Variants in SNX24 observed in about 807,000 individuals in gnomAD.
SNX24 encodes the protein sorting nexin-24.
A neutral mutation model predicts 28.7 loss-of-function variants in SNX24; 22 were observed. The ratio of observed to expected loss-of-function variants is 0.77; its 90% confidence interval spans 0.55 to 1.10. The LOEUF (loss-of-function observed/expected upper bound fraction) is 1.10, where lower values mean the gene tolerates loss of function less well. Ranked by LOEUF, SNX24 falls within the 50% of genes least tolerant of loss-of-function variation. The pLI, the probability that SNX24 is intolerant of heterozygous loss-of-function variation, is 0.00. For synonymous variants in SNX24, 69 were observed against 71.5 expected (o/e 0.96, Z 0.18); for missense variants, 221 against 201.1 (o/e 1.10, Z -0.60).
chr5:122,908,945 G>C (rs1757763133), intron 1 of SNX24, among the ~76,000 whole-genome samples: 1 of 152,204 alleles, frequency 6.6e-6, no homozygotes, highest in Non-Finnish European at 1.5e-5. Flanking sequence ...GTGAGCACTT[G>C]AGCGGGGAGT....
chr5:122,969,718 T>C lies in SNX24; in HGVS notation c.249+23559T>C, dbSNP rs78317938. ...ATATGATGTTGGAACTCTGATCATC[T>C]GTTTCTGTTATTATTTTAAAACATT... On this transcript the variant is annotated intron_variant, in intron 3 of 6. Coordinates refer to ENST00000261369, the MANE Select transcript of SNX24 (RefSeq NM_014035.4). 4.7e-4 allele frequency among the ~76,000 whole-genome samples: 71 copies of C among 152,334 alleles called. No individual in the cohort carries two copies. The East Asian group carries it at 0.013, about 29-fold the overall frequency.
chr5:122,902,096 C>T (rs1033550311), intron 1 of SNX24, among the ~76,000 whole-genome samples: 1 of 152,232 alleles, frequency 6.6e-6, no homozygotes, highest in Admixed American at 6.5e-5. Context: ...TCTCTGTGGC[C>T]TCTGGCCCTT....
intron 3 of SNX24, among the ~76,000 whole-genome samples, chr5:122,994,040 G>GTGTGTGTGTGTGTA (rs1343300146): frequency 6.6e-6 from 1 of 151,788 alleles, no homozygotes; most frequent in East Asian, 1.9e-4. Flanking sequence ...ATGGAAAGAA[G>GTGTGTGTGTGTGTA]TGTGTGTGTG....
chr5:123,003,383 G>C (rs1762313087), intron 6 of SNX24, among the ~76,000 whole-genome samples: 1 of 152,126 alleles, frequency 6.6e-6, no homozygotes, highest in South Asian at 2.1e-4. Flanking sequence ...AAATATACAT[G>C]TTAGTTGATG....
At chr5:122,872,454 A>G (rs1456814363) in intron 1 of SNX24, among the ~76,000 whole-genome samples, 2 of 152,084 alleles carry the variant, frequency 1.3e-5, no homozygotes, top group Admixed American at 6.5e-5. Flanking sequence ...CAAAGAACCA[A>G]TCCTGAATTT....
At chr5:122,910,714 T>C (rs1757845860) in intron 1 of SNX24, among the ~76,000 whole-genome samples, 3 of 147,512 alleles carry the variant, frequency 2.0e-5, no homozygotes, top group South Asian at 4.4e-4. Flanking sequence ...TGAGAACATG[T>C]GGTGTTTCGT....
intron 1 of SNX24, among the ~76,000 whole-genome samples, chr5:122,878,946 T>G (rs1170644618): frequency 2.0e-5 from 3 of 148,084 alleles, no homozygotes; most frequent in Non-Finnish European, 4.5e-5. Flanking sequence ...AGAGCAAGAC[T>G]CTGTCTCAAA....
At chr5:122,963,335 G>T (rs538150097) in intron 3 of SNX24, among the ~76,000 whole-genome samples, 23 of 152,298 alleles carry the variant, frequency 1.5e-4, no homozygotes, top group African/African-American at 5.5e-4. Flanking sequence ...GGGATGTGGG[G>T]TGATGTTGCA....
intron 1 of SNX24, among the ~76,000 whole-genome samples, chr5:122,847,222 C>A (rs974145667): frequency 6.6e-6 from 1 of 152,126 alleles, no homozygotes; most frequent in Non-Finnish European, 1.5e-5. Context: ...TGAAATAGAC[C>A]ATAATTAAGG....
intron 1 of SNX24, among the ~76,000 whole-genome samples, chr5:122,934,402 CA>C (rs1264001770): frequency 6.6e-6 from 1 of 152,086 alleles, no homozygotes; most frequent in Non-Finnish European, 1.5e-5. Flanking sequence ...CTCGGTTGCC[CA>C]GGCTAGAGTT....
Position 123,025,770 on chromosome 5 carries a change from A to G in SNX24, n.384-3468A>G, listed in dbSNP as rs1026152690. ...AATATAAAGCTTTGAAAGGAAAAAA[A>G]TGTATCAATTTACCATCCCATCAAT... On this transcript the variant is annotated intron_variant and non_coding_transcript_variant, in intron 5 of 5. Transcript: ENST00000502387. The G allele has an allele frequency of 2.5e-6, 4 of 1,607,816 alleles. No homozygotes were observed. The African/African-American group carries it at 5.4e-5, about 22-fold the overall frequency.
intron 3 of SNX24, among the ~76,000 whole-genome samples, chr5:122,962,347 G>T (rs532299245): frequency 1.6e-4 from 24 of 152,232 alleles, no homozygotes; most frequent in African/African-American, 5.8e-4. Context: ...TTTTCCCAGT[G>T]ATTTACATGC....
At chr5:122,885,352 G>A (rs1243875642) in intron 1 of SNX24, among the ~76,000 whole-genome samples, 2 of 152,158 alleles carry the variant, frequency 1.3e-5, no homozygotes, top group African/African-American at 2.4e-5. Flanking sequence ...GGGTAGGGGA[G>A]CACACTGTTC....
At chr5:123,015,849 C>T (rs1762670306) in intron 5 of SNX24, among the ~76,000 whole-genome samples, 1 of 152,116 alleles carries the variant, frequency 6.6e-6, no homozygotes, top group South Asian at 2.1e-4. Flanking sequence ...AAGCTGGTGA[C>T]TTTGTAGTGG....
intron 1 of SNX24, among the ~76,000 whole-genome samples, chr5:122,876,232 T>C (rs950525638): frequency 1.1e-4 from 17 of 152,196 alleles, no homozygotes; most frequent in African/African-American, 3.4e-4. Context: ...ATTTTGAAAG[T>C]GTATATATTT....
rs184449412 is a variant in SNX24 at position 122,878,371 on chromosome 5, G to A, written c.60+32678G>A. On this transcript the variant is annotated intron_variant, in intron 1 of 6. Transcript: ENST00000261369. ...TGGGAAATGGAAGTCAGATTACAGCGGATTAAGAAAGCTGGGAGAGAGTGA... is the reference window on the plus strand; with the variant it reads ...TGGGAAATGGAAGTCAGATTACAGCAGATTAAGAAAGCTGGGAGAGAGTGA... Among the ~76,000 whole-genome samples the A allele has an allele frequency of 1.7e-3, 254 of 152,168 alleles. 2 individuals carry two copies. The highest frequency in any genetic ancestry group is 8.2e-4 in the Non-Finnish European group (56 of 68,002).
At chr5:122,956,523 A>T (rs1760224857) in intron 3 of SNX24, among the ~76,000 whole-genome samples, 1 of 152,104 alleles carries the variant, frequency 6.6e-6, no homozygotes, top group Non-Finnish European at 1.5e-5. Context: ...TCTCTTAGAG[A>T]TCCTGCTTTT....
At chr5:122,977,581 C>T (rs997230765) in intron 3 of SNX24, among the ~76,000 whole-genome samples, 5 of 152,184 alleles carry the variant, frequency 3.3e-5, no homozygotes, top group Admixed American at 2.6e-4. Flanking sequence ...GTAACAGGTT[C>T]ACTGTGGCTA....
At chr5:123,006,302 C>G (rs1762419156) in intron 6 of SNX24, among the ~76,000 whole-genome samples, 1 of 152,142 alleles carries the variant, frequency 6.6e-6, no homozygotes, top group Non-Finnish European at 1.5e-5. Flanking sequence ...TCTGATTATG[C>G]AAGCCAGAAA....
Sources: allele counts gnomAD v4.1 joint callset (sites outside exome capture counted in the v4.1 genomes callset), GRCh38; gene constraint gnomAD v4.1.1; transcripts MANE v1.5; gene names NCBI Gene and HGNC (gene_info 2026-07-23, HGNC 2026-07-21).